The following RNF125 variants were observed in gnomAD, a reference collection of about 807,000 sequenced individuals.
RNF125 encodes the protein E3 ubiquitin-protein ligase RNF125.
A neutral mutation model predicts 26.0 loss-of-function variants in RNF125; 21 were observed. That is an observed-to-expected ratio of 0.81 (90% confidence interval 0.57 to 1.16). The LOEUF (loss-of-function observed/expected upper bound fraction) is 1.16. Ranked by LOEUF, RNF125 falls within the 50% of genes most tolerant of loss-of-function variation. RNF125 has a pLI of 0.00. For synonymous variants in RNF125, 95 were observed against 109.2 expected (o/e 0.87, Z 0.81); for missense variants, 270 against 299.4 (o/e 0.90, Z 0.72).
intron 1 of RNF125, among the ~76,000 whole-genome samples, chr18:32,024,038 C>T (rs2039009387): frequency 6.6e-6 from 1 of 152,084 alleles, no homozygotes; most frequent in South Asian, 2.1e-4. Flanking sequence ...CTTTTATAAC[C>T]TCTTACGATT....
chr18:32,075,738 A>G, downstream of RNF125: 1 of 405,658 alleles, frequency 2.5e-6, no homozygotes, highest in Non-Finnish European at 4.5e-6. Flanking sequence ...CAGCAGTTGG[A>G]GAGATCTTTA....
chr18:32,086,293 C>T, the RNF125 span, among the ~76,000 whole-genome samples: 2 of 150,750 alleles, frequency 1.3e-5, no homozygotes, highest in Non-Finnish European at 2.9e-5. Flanking sequence ...AAGCAATCCT[C>T]CTGCCTCAGC....
rs2039226520 is a variant in RNF125, at chr18:32,042,117, G to A, written c.319-62G>A. ...TACTTGAAAGTTAAAAGGCTGGATCGCATAAGCTTTCATTGAGCCCTTTTT... is the reference window on the plus strand; with the variant it reads ...TACTTGAAAGTTAAAAGGCTGGATCACATAAGCTTTCATTGAGCCCTTTTT... On this transcript the variant is annotated intron_variant, in intron 2 of 5. Coordinates refer to ENST00000217740, the MANE Select transcript of RNF125 (RefSeq NM_017831.4). 18 of 1,160,798 alleles carry A rather than the reference G, an allele frequency of 1.6e-5. No individual in the cohort carries two copies. The Admixed American group carries it at 2.2e-4, about 14-fold the overall frequency. The allele number at this position is 1,160,798 out of a possible 1,614,324, so 71.9% of individuals were successfully genotyped here. A position where few individuals can be genotyped will look rare whatever the true frequency, so the allele number is the denominator to read the frequency against.
rs2039505554 is a variant in RNF125 at position 32,068,600 on chromosome 18, C to A, written c.*216C>A. On this transcript the variant is annotated 3_prime_UTR_variant, in exon 6 of 6. Transcript: ENST00000217740. The stretch of plus-strand genomic sequence containing the variant: ...CTTGAGATTCTTACACATCTAACAA[C>A]AAAAAAAATTATCTACATCAGTCAT... 3 of 423,156 alleles carry A rather than the reference C, an allele frequency of 7.1e-6. No individual in the cohort carries two copies. Among genetic ancestry groups the A allele is most frequent in the African/African-American group, 2.0e-5 (1 of 48,828 alleles). 26.2% of individuals were successfully genotyped at this position (423,156 alleles called of 1,614,324 possible).
Position 32,068,415 on chromosome 18 carries a change from T to C in RNF125, c.*31T>C, listed in dbSNP as rs766165124. On this transcript the variant is annotated 3_prime_UTR_variant, in exon 6 of 6. Transcript: ENST00000217740. ...TTAAAACGAAGGGAAAAGGGACCAC[T>C]GAATTGCACCATTTAAGATGCTGCT... 58 of 1,232,960 alleles carry C rather than the reference T, an allele frequency of 4.7e-5. No individual in the cohort carries two copies. Among genetic ancestry groups the C allele is most frequent in the Middle Eastern group, 1.9e-4 (1 of 5,370 alleles). The allele number at this position is 1,232,960 out of a possible 1,614,324, so 76.4% of individuals were successfully genotyped here.
At chr18:32,084,883 C>T in the RNF125 span, among the ~76,000 whole-genome samples, 1 of 152,114 alleles carries the variant, frequency 6.6e-6, no homozygotes, top group Non-Finnish European at 1.5e-5. Context: ...TTCATAATGA[C>T]ATTTATGAAG....
At chr18:32,088,763 G>A in the RNF125 span, among the ~76,000 whole-genome samples, 1 of 152,176 alleles carries the variant, frequency 6.6e-6, no homozygotes, top group African/African-American at 2.4e-5. Flanking sequence ...GCCTCCCAGA[G>A]TGCTGGGATT....
chr18:32,031,831 G>A (rs1478404225), intron 1 of RNF125, among the ~76,000 whole-genome samples: 2 of 152,100 alleles, frequency 1.3e-5, no homozygotes, highest in South Asian at 2.1e-4. Context: ...AGCTGTGGTA[G>A]TGGAATAAAA....
At chr18:32,032,056 C>T (rs2039102404) in intron 1 of RNF125, among the ~76,000 whole-genome samples, 1 of 151,734 alleles carries the variant, frequency 6.6e-6, no homozygotes, top group South Asian at 2.1e-4. Flanking sequence ...TGCACCACCA[C>T]ACCCAGCTAA....
chr18:32,077,618 C>A (rs2039579058), downstream of RNF125, among the ~76,000 whole-genome samples: 2 of 152,118 alleles, frequency 1.3e-5, no homozygotes, highest in South Asian at 4.2e-4. Flanking sequence ...ACCTCGGCCT[C>A]CCAAATTGCT....
chr18:32,028,319 A>G (rs1360613120), intron 1 of RNF125, among the ~76,000 whole-genome samples: 6 of 150,610 alleles, frequency 4.0e-5, no homozygotes, highest in African/African-American at 1.5e-4. Context: ...AAAAAAAAAA[A>G]AAAAAATAAT....
In RNF125 at chr18:32,042,227, A is replaced by G. The variant is rs752863451; in HGVS notation, c.367A>G (p.Ile123Val). 1.2e-6 allele frequency: 2 copies of G among 1,613,824 alleles called. No individual in the cohort carries two copies. Among genetic ancestry groups the G allele is most frequent in the Non-Finnish European group, 8.5e-7 (1 of 1,179,816 alleles). The change falls in exon 3 of 6, where the codon ATA becomes GTA. Residue 123 changes from isoleucine (I) to valine (V), a missense_variant. Physicochemically the swap from Ile to Val is conservative, Grantham distance 29. Transcript: ENST00000217740. ...ACATATTCGGACTTGTCAGAAGTAC[A>G]TAGATAAGTATGGACCACTACAAGA... ...RAHIRTCQKY[I>V]DKYGPLQELE...
At chr18:32,060,624 G>A (rs2039425813) in intron 4 of RNF125, among the ~76,000 whole-genome samples, 1 of 152,150 alleles carries the variant, frequency 6.6e-6, no homozygotes, top group Non-Finnish European at 1.5e-5. Flanking sequence ...TTAGGAAATG[G>A]ACAACATTGA....
At chr18:32,059,928 A>T (rs1004640788) in intron 4 of RNF125, among the ~76,000 whole-genome samples, 1 of 152,174 alleles carries the variant, frequency 6.6e-6, no homozygotes, top group Non-Finnish European at 1.5e-5. Context: ...GTTTCCACCC[A>T]CATCAAGTGT....
chr18:32,024,192 CTT>C (rs1236240547), intron 1 of RNF125, among the ~76,000 whole-genome samples: 2 of 71,582 alleles, frequency 2.8e-5, no homozygotes, highest in Admixed American at 1.4e-4. Context: ...TCATGCCATT[CTT>C]TTTTTTTTTT....
chr18:32,038,936 T>C (rs1045058897), intron 2 of RNF125, among the ~76,000 whole-genome samples: 3 of 151,814 alleles, frequency 2.0e-5, no homozygotes, highest in South Asian at 4.2e-4. Context: ...TGTCTAACTT[T>C]TGTATTTTCA....
At chr18:32,057,767 C>G (rs1236535122) in intron 4 of RNF125, among the ~76,000 whole-genome samples, 2 of 152,078 alleles carry the variant, frequency 1.3e-5, no homozygotes, top group Non-Finnish European at 2.9e-5. Flanking sequence ...ATTATATTGT[C>G]TTTAAGGCGG....
chr18:32,043,975 C>T (rs1007549024), intron 3 of RNF125, among the ~76,000 whole-genome samples: 6 of 151,776 alleles, frequency 4.0e-5, no homozygotes, highest in African/African-American at 1.5e-4. Context: ...CAGTGTTGTC[C>T]AGTAGAAATA....
intron 3 of RNF125, among the ~76,000 whole-genome samples, chr18:32,043,686 T>C (rs796420372): frequency 4.6e-5 from 7 of 152,306 alleles, no homozygotes; most frequent in African/African-American, 1.7e-4. Context: ...GAAAGCTAAT[T>C]TGAATCCCAA....
Sources: allele counts gnomAD v4.1 joint callset (sites outside exome capture counted in the v4.1 genomes callset), GRCh38; gene constraint gnomAD v4.1.1; transcripts MANE v1.5; gene names NCBI Gene and HGNC (gene_info 2026-07-23, HGNC 2026-07-21).